Variants in SLC31A2 observed in about 807,000 individuals in gnomAD.
SLC31A2 encodes the protein protein SLC31A2.
In SLC31A2, 16 loss-of-function variants were observed where a neutral mutation model predicts 14.4. The ratio of observed to expected loss-of-function variants is 1.11; its 90% CI spans 0.75 to 1.69. The LOEUF is 1.69. Among genes scored for constraint, SLC31A2 ranks in the 40% most tolerant of loss-of-function variants. The probability of loss-of-function intolerance (pLI) is 0.00; values close to 1 mark genes in which losing one functional copy is unlikely to be tolerated. For synonymous variants in SLC31A2, 56 were observed against 68.7 expected (o/e 0.82, Z 0.91); for missense variants, 140 against 173.9 (o/e 0.81, Z 1.10).
intron 1 of SLC31A2, among the ~76,000 whole-genome samples, chr9:113,154,697 T>G (rs1210177011): frequency 5.9e-5 from 9 of 152,216 alleles, no homozygotes; most frequent in Admixed American, 5.9e-4. Flanking sequence ...CGGGACTGAC[T>G]CTGCCTCTGT....
rs571195077 is a variant in SLC31A2, at chr9:113,163,011, T to G, written c.*94T>G. ...CAACTGCCCTTTCTTCTGATGGCTA[T>G]TCCTCCACCTTATTCCCAGCCCCTG... On this transcript the variant is annotated 3_prime_UTR_variant, in exon 4 of 4. Transcript: ENST00000259392. The G allele has an allele frequency of 1.3e-5, 15 of 1,175,852 alleles. No individual in the cohort carries two copies. The African/African-American group carries it at 1.9e-4, about 15-fold the overall frequency. The allele number at this position is 1,175,852 out of a possible 1,614,324, so 72.8% of individuals were successfully genotyped here.
chr9:113,154,000 C>T (rs927147517), intron 1 of SLC31A2, among the ~76,000 whole-genome samples: 2 of 152,156 alleles, frequency 1.3e-5, no homozygotes, highest in Non-Finnish European at 2.9e-5. Context: ...GAGACAGAGT[C>T]TTACTCTATT....
intron 2 of SLC31A2, chr9:113,158,072 A>G (rs1829957212): frequency 1.9e-6 from 1 of 536,898 alleles, no homozygotes; most frequent in Non-Finnish European, 3.7e-6. Flanking sequence ...AGAGACAGGA[A>G]GAGAGACTCG....
intron 1 of SLC31A2, among the ~76,000 whole-genome samples, chr9:113,154,822 G>A (rs1028169470): frequency 6.6e-6 from 1 of 152,124 alleles, no homozygotes; most frequent in Non-Finnish European, 1.5e-5. Flanking sequence ...CCTGGGCTCT[G>A]GTCTTACTGT....
At chr9:113,161,377 G>A (rs1292295567) in intron 2 of SLC31A2, 132 bp from the exon 3 acceptor site, 13 of 817,034 alleles carry the variant, frequency 1.6e-5, no homozygotes, top group Middle Eastern at 3.5e-4. Flanking sequence ...GAAGAAGTTC[G>A]GAACTCAGCA....
intron 2 of SLC31A2, 45 bp downstream of exon 2, chr9:113,157,838 G>A: frequency 7.0e-7 from 1 of 1,438,640 alleles, no homozygotes; most frequent in Non-Finnish European, 9.7e-7. Flanking sequence ...AAGCCTTGTA[G>A]TACTAGGCAA....
chr9:113,152,159 A>G (rs1218562340), intron 1 of SLC31A2: 1 of 152,262 alleles, frequency 6.6e-6, no homozygotes, highest in Non-Finnish European at 1.5e-5. Flanking sequence ...ATGAAGAAAT[A>G]TAGAAGAAAA....
intron 1 of SLC31A2, among the ~76,000 whole-genome samples, chr9:113,152,661 C>T (rs965892901): frequency 1.3e-5 from 2 of 152,196 alleles, no homozygotes; most frequent in African/African-American, 4.8e-5. Context: ...ACTTAAATGT[C>T]CCCCCTCATA....
At chr9:113,155,476 G>A (rs1829921758) in intron 1 of SLC31A2, among the ~76,000 whole-genome samples, 1 of 152,204 alleles carries the variant, frequency 6.6e-6, no homozygotes, top group Admixed American at 6.5e-5. Context: ...GCCTGGCACA[G>A]AATAATCAGT....
At chr9:113,153,117 A>ATT (rs778008105) in intron 1 of SLC31A2, among the ~76,000 whole-genome samples, 5 of 94,140 alleles carry the variant, frequency 5.3e-5, no homozygotes, top group Non-Finnish European at 1.2e-4. Context: ...CTGTGTCAAA[A>ATT]TGTTTTTTTT....
rs943143764 is a variant in SLC31A2 at position 113,151,960 on chromosome 9, A to C, written c.6+880A>C. The C allele has an allele frequency of 7.3e-5, 11 of 150,466 alleles. No individual in the cohort carries two copies. The highest frequency in any genetic ancestry group is 3.5e-3 in the Middle Eastern group (1 of 286). 9.3% of individuals were successfully genotyped at this position (150,466 alleles called of 1,614,324 possible). A position where few individuals can be genotyped will look rare whatever the true frequency, so the allele number is the denominator to read the frequency against. ...GACGTCCTCAAACAAACAAAACAAA[A>C]AAAAAAAGATATAGGAAGTGTATGT... is the stretch of plus-strand genomic sequence containing the variant. On this transcript the variant is annotated intron_variant, in intron 1 of 3. Transcript: ENST00000259392. This position sits in a 1 kb window ranked among gnomAD's most constrained non-coding sequence, Gnocchi z 4.2.
chr9:113,151,085 G>T lies in SLC31A2; in HGVS notation c.6+5G>T. 7.6e-7 allele frequency: 1 copy of T among 1,308,634 alleles called. No homozygotes were observed. Among genetic ancestry groups the T allele is most frequent in the Non-Finnish European group, 9.8e-7 (1 of 1,020,722 alleles). 81.1% of individuals were successfully genotyped at this position (1,308,634 alleles called of 1,614,324 possible). Reference sequence around the variant, plus strand: ...CCCTGCGCACTCACCATGGCGGTAAGGGCCGGGCGCTACGGTGAAGAGGGT... The same window carrying T: ...CCCTGCGCACTCACCATGGCGGTAATGGCCGGGCGCTACGGTGAAGAGGGT... On this transcript the variant is annotated splice_donor_5th_base_variant and intron_variant, in intron 1 of 3. Coordinates refer to ENST00000259392, the MANE Select transcript of SLC31A2 (RefSeq NM_001860.3). This position sits in a 1 kb window ranked among gnomAD's most constrained non-coding sequence, Gnocchi z 4.2.
chr9:113,164,027 G>A lies in SLC31A2; in HGVS notation c.*1110G>A, dbSNP rs554531294. The A allele has an allele frequency of 1.3e-5, 2 of 152,762 alleles. No homozygotes were observed. The highest frequency in any genetic ancestry group is 4.8e-5 in the African/African-American group (2 of 41,578). 9.5% of individuals were successfully genotyped at this position (152,762 alleles called of 1,614,324 possible). A position where few individuals can be genotyped will look rare whatever the true frequency, so the allele number is the denominator to read the frequency against. On this transcript the variant is annotated 3_prime_UTR_variant, in exon 4 of 4. Transcript: ENST00000259392. ...TTCACTTTATAAAAAAGGAAAGAGA[G>A]AAAATCACTGCTGTATACTAAATAC...
At chr9:113,159,216 C>T (rs988462725) in intron 2 of SLC31A2, among the ~76,000 whole-genome samples, 3 of 152,020 alleles carry the variant, frequency 2.0e-5, no homozygotes, top group Admixed American at 2.0e-4. Flanking sequence ...CTGCAATCTC[C>T]ACCTCCCAGG....
chr9:113,162,248 T>C, intron 3 of SLC31A2: 1 of 252,394 alleles, frequency 4.0e-6, no homozygotes, highest in Non-Finnish European at 7.8e-6. Context: ...TCTTCACAAC[T>C]GCACTGCAAG....
At chr9:113,160,158 CG>C (rs1564137622) in intron 2 of SLC31A2, among the ~76,000 whole-genome samples, 3 of 151,794 alleles carry the variant, frequency 2.0e-5, no homozygotes, top group Non-Finnish European at 4.4e-5. Context: ...GCCAAGATTG[CG>C]CCACTGCACT....
chr9:113,152,928 C>G (rs1396007674), intron 1 of SLC31A2, among the ~76,000 whole-genome samples: 2 of 152,168 alleles, frequency 1.3e-5, no homozygotes, highest in Non-Finnish European at 2.9e-5. Flanking sequence ...TCCATTCATA[C>G]CATCTGCTTT....
At chr9:113,160,814 A>G (rs1454111831) in intron 2 of SLC31A2, among the ~76,000 whole-genome samples, 1 of 152,214 alleles carries the variant, frequency 6.6e-6, no homozygotes, top group South Asian at 2.1e-4. Flanking sequence ...ATAAAAAGAC[A>G]CCACTTGACA....
intron 2 of SLC31A2, among the ~76,000 whole-genome samples, chr9:113,158,414 A>G (rs1417323400): frequency 6.6e-6 from 1 of 152,204 alleles, no homozygotes; most frequent in Admixed American, 6.5e-5. Context: ...CTTGTTATCT[A>G]TTGCTGAATA....
Sources: allele counts gnomAD v4.1 joint callset (sites outside exome capture counted in the v4.1 genomes callset), GRCh38; gene constraint gnomAD v4.1.1; non-coding constraint Gnocchi (gnomAD v3.1); transcripts MANE v1.5; gene names NCBI Gene and HGNC (gene_info 2026-07-23, HGNC 2026-07-21).